WWOX: variants seen among roughly 807,000 people sequenced by gnomAD.
WWOX encodes the protein WW domain containing oxidoreductase.
In WWOX, 69 loss-of-function variants were observed where a neutral mutation model predicts 46.2. The observed-to-expected ratio is 1.49, with a 90% CI of 1.23 to 1.82. WWOX has a LOEUF of 1.82. Ranked by LOEUF, WWOX falls within the 40% of genes most tolerant of loss-of-function variation. The pLI is 0.00. For missense variants in WWOX, 919 were observed against 542.6 expected (o/e 1.69, Z -6.89); for synonymous variants, 359 against 202.6 (o/e 1.77, Z -6.56).
chr16:79,176,469 C>T (rs1015573674), intron 8 of WWOX, among the ~76,000 whole-genome samples: 1 of 152,216 alleles, frequency 6.6e-6, no homozygotes, highest in African/African-American at 2.4e-5. Context: ...TGTTAAGAAG[C>T]TGGCAGTCTG....
At chr16:78,331,151 T>C (rs2151892275) in intron 5 of WWOX, among the ~76,000 whole-genome samples, 1 of 152,310 alleles carries the variant, frequency 6.6e-6, no homozygotes, top group Middle Eastern at 3.4e-3. Context: ...TTGAGGTTTG[T>C]GTCTGTAATT....
chr16:78,700,366 C>T (rs932865012), intron 8 of WWOX, among the ~76,000 whole-genome samples: 7 of 144,146 alleles, frequency 4.9e-5, no homozygotes, highest in Non-Finnish European at 1.1e-4. Context: ...GAGAGACCAT[C>T]TCTCTTGTGT....
At chr16:78,148,549 G>T (rs1236490026) in intron 4 of WWOX, among the ~76,000 whole-genome samples, 1 of 151,764 alleles carries the variant, frequency 6.6e-6, no homozygotes, top group Non-Finnish European at 1.5e-5. Flanking sequence ...AATTTTTTAT[G>T]TTTTATTTTG....
At chr16:78,166,403 C>T (rs1248113226) in intron 5 of WWOX, among the ~76,000 whole-genome samples, 1 of 152,150 alleles carries the variant, frequency 6.6e-6, no homozygotes, top group Non-Finnish European at 1.5e-5. Flanking sequence ...GATATTGGGC[C>T]TAAACTATGC....
intron 8 of WWOX, among the ~76,000 whole-genome samples, chr16:78,994,936 T>A (rs1469066249): frequency 2.7e-5 from 4 of 148,856 alleles, no homozygotes; most frequent in African/African-American, 1.0e-4. Context: ...GTGCAAGCCT[T>A]TTTTTTTTCT....
chr16:78,327,408 G>A (rs2080648380), intron 5 of WWOX, among the ~76,000 whole-genome samples: 1 of 152,060 alleles, frequency 6.6e-6, no homozygotes, highest in Admixed American at 6.6e-5. Context: ...ATCTTCACTG[G>A]ACTCTCCAAG....
intron 8 of WWOX, among the ~76,000 whole-genome samples, chr16:78,681,304 C>G (rs867511198): frequency 1.3e-5 from 2 of 152,044 alleles, no homozygotes; most frequent in African/African-American, 4.8e-5. Context: ...ACTTGGGAGG[C>G]TGAGGTGGGA....
At chr16:78,784,577 G>A (rs1336843177) in intron 8 of WWOX, among the ~76,000 whole-genome samples, 6 of 152,082 alleles carry the variant, frequency 3.9e-5, no homozygotes, top group African/African-American at 1.4e-4. Context: ...TTGATAATAG[G>A]AATTGTCGCA....
chr16:78,364,953 A>T (rs2081500759), intron 5 of WWOX, among the ~76,000 whole-genome samples: 2 of 152,092 alleles, frequency 1.3e-5, no homozygotes, highest in Admixed American at 1.3e-4. Flanking sequence ...CTGGTCCCCA[A>T]CCTTTCTTCT....
chr16:78,770,155 A>G (rs2142516214), intron 8 of WWOX, among the ~76,000 whole-genome samples: 1 of 152,296 alleles, frequency 6.6e-6, no homozygotes. Flanking sequence ...GTTCGAGACC[A>G]GCCTGGCCAA....
rs75687666 is a variant in WWOX at position 78,392,623 on chromosome 16, T to C, written c.605+5675T>C. ...CTAGAGATTTCTGCAGTCTGTACTTTGGTGATTGCATCTCTGTGGTGTCTT... is the reference window on the plus strand; with the variant it reads ...CTAGAGATTTCTGCAGTCTGTACTTCGGTGATTGCATCTCTGTGGTGTCTT... On this transcript the variant is annotated intron_variant, in intron 6 of 8. Coordinates refer to ENST00000566780, the MANE Select transcript of WWOX (RefSeq NM_016373.4). 9.4e-3 allele frequency among the ~76,000 whole-genome samples: 1,438 copies of C among 152,242 alleles called. 24 individuals carry two copies. The highest frequency in any genetic ancestry group is 0.033 in the African/African-American group (1,371 of 41,540).
chr16:78,205,904 C>A (rs1293072723), intron 5 of WWOX, among the ~76,000 whole-genome samples: 1 of 151,268 alleles, frequency 6.6e-6, no homozygotes, highest in Admixed American at 6.6e-5. Context: ...TTCCTTCCTC[C>A]TGTCTTCCTT....
At chr16:78,643,739 C>G (rs995094449) in intron 8 of WWOX, among the ~76,000 whole-genome samples, 2 of 151,690 alleles carry the variant, frequency 1.3e-5, no homozygotes, top group African/African-American at 4.8e-5. Flanking sequence ...AAAGGAAGCC[C>G]TAGACTTCTT....
At chr16:78,676,566 T>G (rs1350159812) in intron 8 of WWOX, among the ~76,000 whole-genome samples, 1 of 152,192 alleles carries the variant, frequency 6.6e-6, no homozygotes, top group Non-Finnish European at 1.5e-5. Flanking sequence ...TCATGTATTT[T>G]CATCAGGATG....
intron 6 of WWOX, among the ~76,000 whole-genome samples, chr16:78,410,379 A>G (rs947068492): frequency 6.6e-6 from 1 of 152,172 alleles, no homozygotes; most frequent in African/African-American, 2.4e-5. Context: ...TAATATGTTC[A>G]GTGGCTGTGG....
chr16:78,602,264 G>A (rs1054521603), intron 8 of WWOX, among the ~76,000 whole-genome samples: 3 of 151,934 alleles, frequency 2.0e-5, no homozygotes, highest in South Asian at 2.1e-4. Flanking sequence ...ACAGAGTCTC[G>A]ATCTGACAGC....
chr16:78,844,071 T>C (rs2052233643), intron 8 of WWOX, among the ~76,000 whole-genome samples: 3 of 152,208 alleles, frequency 2.0e-5, no homozygotes, highest in Admixed American at 2.0e-4. Flanking sequence ...GCTGGTGCGT[T>C]ATTTAACGTG....
intron 8 of WWOX, among the ~76,000 whole-genome samples, chr16:78,684,981 G>C (rs1205399084): frequency 1.3e-5 from 2 of 152,186 alleles, no homozygotes; most frequent in Non-Finnish European, 2.9e-5. Context: ...TCTTTGGGGA[G>C]TGTTCTCAAT....
intron 8 of WWOX, among the ~76,000 whole-genome samples, chr16:78,840,464 G>T (rs1159203706): frequency 6.6e-6 from 1 of 152,156 alleles, no homozygotes; most frequent in Non-Finnish European, 1.5e-5. Flanking sequence ...AGGAGCGATG[G>T]CATGGCATGA....
Sources: gnomAD v4.1 joint callset for allele counts (sites outside exome capture counted in the v4.1 genomes callset) on GRCh38, gnomAD v4.1.1 for gene constraint, MANE v1.5 for transcripts, NCBI Gene and HGNC (gene_info 2026-07-23, HGNC 2026-07-21) for gene names.